GMCL1: variants seen among roughly 807,000 people sequenced by gnomAD.
The protein encoded by GMCL1 is germ cell-less protein-like 1.
In GMCL1, 54 loss-of-function variants were observed where a neutral mutation model predicts 75.5. That is an observed-to-expected ratio of 0.71 (90% CI 0.57 to 0.90). The LOEUF (loss-of-function observed/expected upper bound fraction) is 0.90. GMCL1 is among the 40% of genes least tolerant of loss of function. The pLI is 0.00. For synonymous variants in GMCL1, 210 were observed against 209.6 expected (o/e 1.00, Z -0.02); for missense variants, 537 against 622.7 (o/e 0.86, Z 1.47).
At chr2:69,837,514 A>G (rs1440368958) in intron 1 of GMCL1, 33 bp from the exon 2 acceptor site, 1 of 1,403,828 alleles carries the variant, frequency 7.1e-7, no homozygotes, top group Non-Finnish European at 9.7e-7. Context: ...TCAGTTTTAT[A>G]TAAATATGTG....
rs1322488490 is a variant in GMCL1 at position 69,829,900 on chromosome 2, C to T, written c.8C>T (p.Ser3Leu). ...CTCGGGGAGCCGTGACCCATGGGAT[C>T]GTTGAGCAGCCGGGTGCTGCGCCAG... MG[S>L]LSSRVLRQPR... Residue 3 changes from serine (S) to leucine (L), a missense_variant, in exon 1 of 14, where the codon TCG (serine) becomes TTG (leucine). Coordinates refer to ENST00000282570, the MANE Select transcript of GMCL1 (RefSeq NM_178439.5). 2 of 1,598,856 alleles carry T rather than the reference C, an allele frequency of 1.3e-6. No homozygotes were observed. The highest frequency in any genetic ancestry group is 1.7e-6 in the Non-Finnish European group (2 of 1,172,788).
intron 10 of GMCL1, 98 bp downstream of exon 10, chr2:69,861,445 C>T: frequency 1.5e-6 from 1 of 678,492 alleles, no homozygotes; most frequent in Non-Finnish European, 2.5e-6. Context: ...GTATTGAAAA[C>T]TCAAGCTGTT....
At chr2:69,841,943 G>A (rs1675000505) in intron 4 of GMCL1, among the ~76,000 whole-genome samples, 1 of 152,048 alleles carries the variant, frequency 6.6e-6, no homozygotes, top group African/African-American at 2.4e-5. Flanking sequence ...AGAAGAGGGG[G>A]GCAGAAGCCA....
rs541620064 is a variant in GMCL1 at position 69,837,325 on chromosome 2, G to A, written c.261-222G>A. 9.2e-5 allele frequency among the ~76,000 whole-genome samples: 14 copies of A among 152,118 alleles called. No individual in the cohort carries two copies. The East Asian group carries it at 1.7e-3, about 19-fold the overall frequency. ...CCCCCCTTTCTCCACTATCTCTCCC[G>A]TGCATAGAGGACCCCAGAGATAACC... On this transcript the variant is annotated intron_variant, in intron 1 of 13. Coordinates refer to ENST00000282570, the MANE Select transcript of GMCL1 (RefSeq NM_178439.5).
chr2:69,832,003 C>G (rs548712394), intron 1 of GMCL1, among the ~76,000 whole-genome samples: 2 of 152,260 alleles, frequency 1.3e-5, no homozygotes, highest in Admixed American at 1.3e-4. Flanking sequence ...GACAGATCAC[C>G]TGAGGTCAGG....
chr2:69,861,471 T>C, intron 10 of GMCL1, 124 bp downstream of exon 10: 1 of 559,718 alleles, frequency 1.8e-6, no homozygotes, highest in Non-Finnish European at 3.2e-6. Flanking sequence ...AAAGATCATA[T>C]AATCACTTTT....
In GMCL1 at chr2:69,831,380, C is replaced by A. The variant is rs370943207; in HGVS notation, c.260+1228C>A. Among the ~76,000 whole-genome samples, 20 of 151,860 alleles carry A rather than the reference C, an allele frequency of 1.3e-4. 1 individual carries two copies. In the East Asian group the frequency reaches 2.3e-3, roughly 18 times the overall value. On this transcript the variant is annotated intron_variant, in intron 1 of 13. Coordinates refer to ENST00000282570, the MANE Select transcript of GMCL1 (RefSeq NM_178439.5). ...TTGTATTTATTATACAAAAATGTAC[C>A]CCTACTGTGAATACTATTCAGTAAC... is the stretch of plus-strand genomic sequence containing the variant.
Position 69,879,248 on chromosome 2 carries a change from C to G in GMCL1, c.*244C>G, listed in dbSNP as rs1410264054. ...AAAGCCAAGAAAATATCTGTCAAACCATTTCTGTTAGAACGATGTCAATTC... is the reference window on the plus strand; with the variant it reads ...AAAGCCAAGAAAATATCTGTCAAACGATTTCTGTTAGAACGATGTCAATTC... On this transcript the variant is annotated 3_prime_UTR_variant, in exon 14 of 14. Coordinates refer to ENST00000282570, the MANE Select transcript of GMCL1 (RefSeq NM_178439.5). The G allele has an allele frequency of 3.5e-6, 1 of 284,986 alleles. No individual in the cohort carries two copies. Among genetic ancestry groups the G allele is most frequent in the African/African-American group, 2.2e-5 (1 of 45,332 alleles). The allele number at this position is 284,986 out of a possible 1,614,324, so 17.7% of individuals were successfully genotyped here. A position where few individuals can be genotyped will look rare whatever the true frequency, so the allele number is the denominator to read the frequency against.
intron 10 of GMCL1, among the ~76,000 whole-genome samples, chr2:69,862,775 T>G (rs975981531): frequency 2.6e-5 from 4 of 151,856 alleles, no homozygotes; most frequent in African/African-American, 9.7e-5. Context: ...AAAAAAAGAT[T>G]GTTGAAATAC....
chr2:69,880,918 G>A lies in GMCL1; in HGVS notation c.*1914G>A, dbSNP rs1010987377. 2.6e-5 allele frequency: 4 copies of A among 151,144 alleles called. No individual in the cohort carries two copies. Among genetic ancestry groups the A allele is most frequent in the Non-Finnish European group, 4.4e-5 (3 of 67,936 alleles). 9.4% of individuals were successfully genotyped at this position (151,144 alleles called of 1,614,324 possible). A position where few individuals can be genotyped will look rare whatever the true frequency, so the allele number is the denominator to read the frequency against. On this transcript the variant is annotated 3_prime_UTR_variant, in exon 14 of 14. Transcript: ENST00000282570. ...TTTGACTACATTAGGTCTTTTTCAC[G>A]GGAAGCTGTTGTTTTCTTTCCGTCT...
At chr2:69,838,785 G>A (rs1030578825) in intron 2 of GMCL1, among the ~76,000 whole-genome samples, 3 of 152,100 alleles carry the variant, frequency 2.0e-5, no homozygotes, top group South Asian at 2.1e-4. Context: ...TTTACCCCTC[G>A]TGGAAGATGT....
At chr2:69,861,061 T>G (rs1675626929) in intron 9 of GMCL1, among the ~76,000 whole-genome samples, 1 of 152,222 alleles carries the variant, frequency 6.6e-6, no homozygotes, top group African/African-American at 2.4e-5. Flanking sequence ...CAGGCTGATC[T>G]CGAACTCCTG....
intron 10 of GMCL1, among the ~76,000 whole-genome samples, chr2:69,862,677 T>A (rs1430831053): frequency 6.6e-6 from 1 of 151,962 alleles, no homozygotes; most frequent in Non-Finnish European, 1.5e-5. Context: ...GAGAATCGCT[T>A]GAACCCGGGA....
chr2:69,868,348 G>A (rs1415733077), intron 11 of GMCL1, among the ~76,000 whole-genome samples: 1 of 152,014 alleles, frequency 6.6e-6, no homozygotes, highest in African/African-American at 2.4e-5. Flanking sequence ...TATAATATGT[G>A]CTCAATAAAT....
chr2:69,859,646 A>G (rs1329834294), intron 9 of GMCL1, among the ~76,000 whole-genome samples: 1 of 151,054 alleles, frequency 6.6e-6, no homozygotes. Context: ...TGAGAGGAGA[A>G]CTGCTTGAGC....
chr2:69,876,796 C>G (rs1016007632), intron 13 of GMCL1, among the ~76,000 whole-genome samples: 1 of 152,016 alleles, frequency 6.6e-6, no homozygotes, highest in Non-Finnish European at 1.5e-5. Context: ...CAAGACCAGC[C>G]CTGGCAACTT....
intron 7 of GMCL1, among the ~76,000 whole-genome samples, chr2:69,848,269 C>T (rs930284952): frequency 6.6e-5 from 10 of 152,206 alleles, no homozygotes; most frequent in African/African-American, 2.4e-4. Flanking sequence ...GAGTATTTAA[C>T]ACAGTTGTGA....
At chr2:69,850,409 T>G (rs1254211661) in intron 8 of GMCL1, among the ~76,000 whole-genome samples, 1 of 152,248 alleles carries the variant, frequency 6.6e-6, no homozygotes, top group Non-Finnish European at 1.5e-5. Context: ...AAAAGTATTT[T>G]TTACGGCTGT....
At chr2:69,870,176 T>C (rs1398303929) in intron 12 of GMCL1, among the ~76,000 whole-genome samples, 1 of 151,410 alleles carries the variant, frequency 6.6e-6, no homozygotes, top group Non-Finnish European at 1.5e-5. Context: ...CAAGGTATGT[T>C]TCCAGGAAAA....
Sources: allele counts gnomAD v4.1 joint callset (sites outside exome capture counted in the v4.1 genomes callset), GRCh38; gene constraint gnomAD v4.1.1; transcripts MANE v1.5; gene names NCBI Gene and HGNC (gene_info 2026-07-23, HGNC 2026-07-21).